Variants in TMEM163 observed in about 807,000 individuals in gnomAD.
TMEM163 encodes the protein transmembrane protein 163.
A neutral mutation model predicts 29.3 loss-of-function variants in TMEM163; 17 were observed. That is an observed-to-expected ratio of 0.58 (90% confidence interval 0.40 to 0.87). TMEM163 has a LOEUF of 0.87. Ranked by LOEUF, TMEM163 falls within the 40% of genes least tolerant of loss-of-function variation. TMEM163 has a pLI of 0.00. For synonymous variants in TMEM163, 157 were observed against 160.6 expected (o/e 0.98, Z 0.17); for missense variants, 303 against 381.5 (o/e 0.79, Z 1.71).
intron 2 of TMEM163, among the ~76,000 whole-genome samples, chr2:134,656,761 A>C (rs1683629850): frequency 6.6e-6 from 1 of 152,152 alleles, no homozygotes; most frequent in South Asian, 2.1e-4. Context: ...ATTTTGAGAT[A>C]TATCCCTTCA....
At chr2:134,713,569 T>G in intron 1 of TMEM163, 1 of 620,472 alleles carries the variant, frequency 1.6e-6, no homozygotes, top group Non-Finnish European at 3.0e-6. Flanking sequence ...CTGTCCTCTT[T>G]CGAAGAACTC....
At chr2:134,690,308 CAG>C (rs1416721025) in intron 2 of TMEM163, among the ~76,000 whole-genome samples, 1 of 150,028 alleles carries the variant, frequency 6.7e-6, no homozygotes, top group Non-Finnish European at 1.5e-5. Flanking sequence ...TTTTTTGAGA[CAG>C]AGTCTCACTC....
chr2:134,494,435 ATCTT>A (rs1679500318), intron 5 of TMEM163, among the ~76,000 whole-genome samples: 1 of 152,220 alleles, frequency 6.6e-6, no homozygotes, highest in Non-Finnish European at 1.5e-5. Flanking sequence ...TAGAGGATGA[ATCTT>A]TCTATTGCTG....
chr2:134,587,074 A>AC (rs1681838691), intron 2 of TMEM163, among the ~76,000 whole-genome samples: 3 of 151,768 alleles, frequency 2.0e-5, no homozygotes, highest in Admixed American at 2.0e-4. Flanking sequence ...TCCTGAAAAA[A>AC]AAATGGCTTA....
chr2:134,599,500 G>A (rs767398981), intron 2 of TMEM163, among the ~76,000 whole-genome samples: 18 of 151,900 alleles, frequency 1.2e-4, no homozygotes, highest in Non-Finnish European at 2.2e-4. Context: ...GTCTGCACCC[G>A]GAGGAGGGCC....
intron 2 of TMEM163, among the ~76,000 whole-genome samples, chr2:134,603,736 A>T (rs1429309876): frequency 6.8e-6 from 1 of 147,270 alleles, no homozygotes; most frequent in African/African-American, 2.5e-5. Context: ...CAGGCTAAGG[A>T]CCCTCTCCTT....
intron 6 of TMEM163, chr2:134,458,393 C>T (rs1686450545): frequency 1.8e-6 from 1 of 571,366 alleles, no homozygotes; most frequent in South Asian, 2.1e-5. Context: ...TCATTCTGTA[C>T]CTGCTTTATT....
rs900291269 is a variant in TMEM163 at position 134,669,845 on chromosome 2, C to T, written c.322+43355G>A. ...CTAGAGGGATGAGGTGGAAAGACTACGAGAAGAGAGATGGACAAACAGCCC... is the reference window on the plus strand; with the variant it reads ...CTAGAGGGATGAGGTGGAAAGACTATGAGAAGAGAGATGGACAAACAGCCC... On this transcript the variant is annotated intron_variant, in intron 2 of 7. Coordinates refer to ENST00000281924, the MANE Select transcript of TMEM163 (RefSeq NM_030923.5). Among the ~76,000 whole-genome samples, 8 of 152,076 alleles carry T rather than the reference C, an allele frequency of 5.3e-5. No individual in the cohort carries two copies. In the South Asian group the frequency reaches 6.2e-4, roughly 12 times the overall value.
intron 5 of TMEM163, among the ~76,000 whole-genome samples, chr2:134,501,531 G>A (rs1198559320): frequency 6.6e-6 from 1 of 152,214 alleles, no homozygotes; most frequent in African/African-American, 2.4e-5. Context: ...ATTTCTCAGA[G>A]TGGAGGCATA....
At chr2:134,680,180 GT>G (rs1684199592) in intron 2 of TMEM163, among the ~76,000 whole-genome samples, 1 of 152,210 alleles carries the variant, frequency 6.6e-6, no homozygotes, top group African/African-American at 2.4e-5. Context: ...TCTACATAAT[GT>G]TTTGGAGCAA....
At chr2:134,562,533 T>C (rs961058772) in intron 2 of TMEM163, among the ~76,000 whole-genome samples, 1 of 152,264 alleles carries the variant, frequency 6.6e-6, no homozygotes, top group Admixed American at 6.5e-5. Flanking sequence ...TCTGCACTGC[T>C]GATTCCAAAC....
chr2:134,714,712 G>A (rs1450351181), intron 1 of TMEM163, among the ~76,000 whole-genome samples: 2 of 152,160 alleles, frequency 1.3e-5, no homozygotes, highest in East Asian at 1.9e-4. Context: ...TGCAAATGTT[G>A]AGCATAAACA....
At chr2:134,636,795 A>C (rs938530531) in intron 2 of TMEM163, among the ~76,000 whole-genome samples, 35 of 152,214 alleles carry the variant, frequency 2.3e-4, no homozygotes, top group Non-Finnish European at 1.5e-4. Context: ...TCAGTGCTTG[A>C]TATATTTTGC....
At chr2:134,714,721 C>T (rs750316007) in intron 1 of TMEM163, among the ~76,000 whole-genome samples, 63 of 152,174 alleles carry the variant, frequency 4.1e-4, no homozygotes, top group Middle Eastern at 3.2e-3. Flanking sequence ...TGAGCATAAA[C>T]ACCATCACCA....
chr2:134,483,002 C>T (rs1451327987), intron 5 of TMEM163, among the ~76,000 whole-genome samples: 10 of 151,964 alleles, frequency 6.6e-5, no homozygotes, highest in African/African-American at 2.4e-4. Flanking sequence ...ACACTCAGCT[C>T]CAGGGGCACC....
chr2:134,686,142 C>T (rs1290279483), intron 2 of TMEM163, among the ~76,000 whole-genome samples: 5 of 152,210 alleles, frequency 3.3e-5, no homozygotes, highest in African/African-American at 4.8e-5. Flanking sequence ...TCCCTGAACC[C>T]AGCTGCCCTC....
rs188756807 is a variant in TMEM163, at chr2:134,530,244, A to G, written c.458+20326T>C. 2.8e-4 allele frequency among the ~76,000 whole-genome samples: 43 copies of G among 152,092 alleles called. 2 individuals carry two copies. Among genetic ancestry groups the G allele is most frequent in the African/African-American group, 1.0e-3 (43 of 41,482 alleles). Reference sequence around the variant, plus strand: ...TCTACTCTCCAGAAGGCAGTTAGAGAAAAAAAATGCCCCCTTGATTGATGT... The same window carrying G: ...TCTACTCTCCAGAAGGCAGTTAGAGGAAAAAAATGCCCCCTTGATTGATGT... On this transcript the variant is annotated intron_variant, in intron 4 of 7. Transcript: ENST00000281924.
At chr2:134,462,138 C>T (rs943143474) in intron 6 of TMEM163, among the ~76,000 whole-genome samples, 4 of 147,104 alleles carry the variant, frequency 2.7e-5, no homozygotes, top group African/African-American at 1.1e-4. Context: ...GGCTCGGGGG[C>T]GGGGGGCATT....
At position 134,640,744 on chromosome 2, in the gene TMEM163, G is replaced by A. The variant is rs575098112; in HGVS notation, c.322+72456C>T. 8.5e-5 allele frequency among the ~76,000 whole-genome samples: 13 copies of A among 152,214 alleles called. No individual in the cohort carries two copies. The East Asian group carries it at 2.1e-3, about 25-fold the overall frequency. ...GTCTCTCAAAACAGACTACACCCAC[G>A]CTCAGCCAAGCTCCATCCCCATAGC... On this transcript the variant is annotated intron_variant, in intron 2 of 7. Coordinates refer to ENST00000281924, the MANE Select transcript of TMEM163 (RefSeq NM_030923.5).
Sources: allele counts gnomAD v4.1 joint callset (sites outside exome capture counted in the v4.1 genomes callset), GRCh38; gene constraint gnomAD v4.1.1; transcripts MANE v1.5; gene names NCBI Gene and HGNC (gene_info 2026-07-23, HGNC 2026-07-21).